The following TMEM117 variants were observed in gnomAD, a reference collection of about 807,000 sequenced individuals.
The protein encoded by TMEM117 is transmembrane protein 117.
TMEM117 carries 27 observed loss-of-function variants against 52.4 expected under a neutral mutation model. The ratio of observed to expected loss-of-function variants is 0.51; its 90% CI spans 0.38 to 0.71. The LOEUF (loss-of-function observed/expected upper bound fraction) is 0.71, where lower values mean the gene tolerates loss of function less well. Ranked by LOEUF, TMEM117 falls within the 30% of genes least tolerant of loss-of-function variation. The pLI is 0.00. For missense variants in TMEM117, 556 were observed against 630.5 expected, an observed-to-expected ratio of 0.88 and a Z score of 1.26; for synonymous variants, 215 against 206.3, an observed-to-expected ratio of 1.04 and a Z score of -0.36.
chr12:43,844,931 A>T lies in TMEM117; in HGVS notation c.277+3A>T, dbSNP rs769849627. The T allele has an allele frequency of 6.2e-7, 1 of 1,611,160 alleles. No individual in the cohort carries two copies. Among genetic ancestry groups the T allele is most frequent in the Non-Finnish European group, 8.5e-7 (1 of 1,179,260 alleles). On this transcript the variant is annotated splice_donor_region_variant and intron_variant, in intron 2 of 7. Transcript: ENST00000266534. Reference sequence around the variant, plus strand: ...TCTGTTCCATCAGCGTTTGTTTGGTAAGTACCATGACCCATGAAATGTAAT... The same window carrying T: ...TCTGTTCCATCAGCGTTTGTTTGGTTAGTACCATGACCCATGAAATGTAAT...
chr12:43,802,705 T>C, the TMEM117 span, among the ~76,000 whole-genome samples: 1 of 152,084 alleles, frequency 6.6e-6, no homozygotes, highest in East Asian at 1.9e-4. Flanking sequence ...GAAAGAAACA[T>C]ATAAAAATGA....
At chr12:44,391,817 A>C (rs867950508), downstream of TMEM117, among the ~76,000 whole-genome samples, 16 of 152,066 alleles carry the variant, frequency 1.1e-4, no homozygotes, top group African/African-American at 2.9e-4. Flanking sequence ...CCTTATTTTA[A>C]ATTTCAACTC....
At chr12:44,216,287 T>C (rs973880301) in intron 5 of TMEM117, among the ~76,000 whole-genome samples, 8 of 152,112 alleles carry the variant, frequency 5.3e-5, no homozygotes, top group African/African-American at 1.9e-4. Flanking sequence ...ATTACAGGCA[T>C]GAGCCACCAC....
At position 43,844,778 on chromosome 12, in the gene TMEM117, A is replaced by T; in HGVS notation, c.127A>T (p.Asn43Tyr). 6.2e-7 allele frequency: 1 copy of T among 1,614,160 alleles called. No homozygotes were observed. Among genetic ancestry groups the T allele is most frequent in the Non-Finnish European group, 8.5e-7 (1 of 1,180,020 alleles). ...AGTTTCTCATAGCCAAACAGAAGCC[A>T]ATGTTATTGTTGTTGGAAACTGTTT... ...DPVSHSQTEA[N>Y]VIVVGNCFSF... Residue 43 changes from asparagine (N) to tyrosine (Y), a missense_variant, in exon 2 of 8, where the codon AAT (asparagine) becomes TAT (tyrosine). Coordinates refer to ENST00000266534, the MANE Select transcript of TMEM117 (RefSeq NM_032256.3).
chr12:43,807,633 C>T, the TMEM117 span, among the ~76,000 whole-genome samples: 1 of 152,168 alleles, frequency 6.6e-6, no homozygotes, highest in Non-Finnish European at 1.5e-5. Flanking sequence ...AGGAAGTTGG[C>T]GTTGCTCAAA....
At chr12:44,075,994 G>C (rs1947375813) in intron 3 of TMEM117, among the ~76,000 whole-genome samples, 1 of 152,200 alleles carries the variant, frequency 6.6e-6, no homozygotes, top group African/African-American at 2.4e-5. Flanking sequence ...TGGGGCCAAA[G>C]TTCCCTATTA....
At chr12:43,912,509 AT>A (rs1944527397) in intron 2 of TMEM117, among the ~76,000 whole-genome samples, 1 of 13,510 alleles carries the variant, frequency 7.4e-5, no homozygotes, top group Non-Finnish European at 1.5e-3. Flanking sequence ...ATAATAATTT[AT>A]ATATATATAT....
At chr12:44,215,674 A>G (rs1295155292) in intron 5 of TMEM117, among the ~76,000 whole-genome samples, 3 of 151,968 alleles carry the variant, frequency 2.0e-5, no homozygotes, top group East Asian at 3.9e-4. Flanking sequence ...AACAATTTGT[A>G]TGCTTTTGAA....
chr12:44,295,760 T>G (rs1337391294), intron 5 of TMEM117, among the ~76,000 whole-genome samples: 1 of 152,164 alleles, frequency 6.6e-6, no homozygotes, highest in Non-Finnish European at 1.5e-5. Context: ...AGTTGTCTGT[T>G]TCCTCTTCCA....
intron 2 of TMEM117, among the ~76,000 whole-genome samples, chr12:43,866,211 A>G (rs1410013382): frequency 6.6e-6 from 1 of 151,818 alleles, no homozygotes; most frequent in Non-Finnish European, 1.5e-5. Context: ...ATGATGGTTA[A>G]TTTCTTATCA....
chr12:44,115,343 G>C (rs1035656444), intron 3 of TMEM117, among the ~76,000 whole-genome samples: 3 of 152,106 alleles, frequency 2.0e-5, no homozygotes, highest in African/African-American at 7.2e-5. Flanking sequence ...AGCATTAGGA[G>C]ATATACCTGA....
chr12:44,091,040 C>T (rs1947663467), intron 3 of TMEM117, among the ~76,000 whole-genome samples: 1 of 151,936 alleles, frequency 6.6e-6, no homozygotes, highest in African/African-American at 2.4e-5. Context: ...TTTCATGCTG[C>T]TGATAACGAA....
At chr12:44,154,314 C>G (rs1948795879) in intron 4 of TMEM117, among the ~76,000 whole-genome samples, 1 of 152,004 alleles carries the variant, frequency 6.6e-6, no homozygotes, top group African/African-American at 2.4e-5. Context: ...CAAGGACGCA[C>G]AAAAAGAAAG....
At chr12:43,852,008 C>T (rs536058441) in intron 2 of TMEM117, among the ~76,000 whole-genome samples, 16 of 152,130 alleles carry the variant, frequency 1.1e-4, no homozygotes, top group Non-Finnish European at 2.2e-4. Flanking sequence ...TAGAGTATAA[C>T]ATTTAACCAG....
intron 5 of TMEM117, among the ~76,000 whole-genome samples, chr12:44,293,197 T>C (rs941501376): frequency 4.6e-5 from 7 of 152,058 alleles, no homozygotes; most frequent in African/African-American, 7.2e-5. Flanking sequence ...TTGTAACAGA[T>C]TTTGACTGAA....
intron 3 of TMEM117, among the ~76,000 whole-genome samples, chr12:43,984,978 G>A (rs138308775): frequency 3.9e-5 from 6 of 151,936 alleles, no homozygotes; most frequent in African/African-American, 1.5e-4. Flanking sequence ...CCTGTGTGAT[G>A]GCTTTATTTG....
At chr12:44,284,439 G>C (rs1473397565) in intron 5 of TMEM117, among the ~76,000 whole-genome samples, 1 of 152,198 alleles carries the variant, frequency 6.6e-6, no homozygotes, top group Non-Finnish European at 1.5e-5. Flanking sequence ...TTTAGTAGCA[G>C]TGTGAAAACA....
At chr12:44,243,048 G>A (rs1421342442) in intron 5 of TMEM117, among the ~76,000 whole-genome samples, 1 of 151,952 alleles carries the variant, frequency 6.6e-6, no homozygotes, top group Non-Finnish European at 1.5e-5. Context: ...CCACATGTAT[G>A]TCTTCTTTTG....
At chr12:44,130,732 T>G (rs1948400661) in intron 3 of TMEM117, among the ~76,000 whole-genome samples, 1 of 152,126 alleles carries the variant, frequency 6.6e-6, no homozygotes, top group African/African-American at 2.4e-5. Context: ...TTTATTCCTA[T>G]GTACATTTTG....
Sources: gnomAD v4.1 joint callset for allele counts (sites outside exome capture counted in the v4.1 genomes callset) on GRCh38, gnomAD v4.1.1 for gene constraint, MANE v1.5 for transcripts, NCBI Gene and HGNC (gene_info 2026-07-23, HGNC 2026-07-21) for gene names.